PTPRT: variants seen among roughly 807,000 people sequenced by gnomAD.
PTPRT encodes the protein receptor-type tyrosine-protein phosphatase T.
In PTPRT, 56 loss-of-function variants were observed where a neutral mutation model predicts 176.8. The ratio of observed to expected loss-of-function variants is 0.32; its 90% CI spans 0.26 to 0.40. The LOEUF (loss-of-function observed/expected upper bound fraction) is 0.40, where lower values mean the gene tolerates loss of function less well. Among genes scored for constraint, PTPRT ranks in the 10% least tolerant of loss-of-function variants. PTPRT has a pLI of 1.00. For missense variants in PTPRT, 1,540 were observed against 1,908.2 expected, an observed-to-expected ratio of 0.81 and a Z score of 3.60; for synonymous variants, 783 against 739.0, an observed-to-expected ratio of 1.06 and a Z score of -0.96.
rs190280031 is a variant in PTPRT, at chr20:42,933,807, C to T, written c.89-47875G>A. On this transcript the variant is annotated intron_variant, in intron 1 of 30. Transcript: ENST00000373187. ...GAAGAAGAGGCCACGTCTTCAGCCTCTCCTTAAGCATCTATCACCAGCCAG... is the reference window on the plus strand; with the variant it reads ...GAAGAAGAGGCCACGTCTTCAGCCTTTCCTTAAGCATCTATCACCAGCCAG... Among the ~76,000 whole-genome samples the T allele has an allele frequency of 2.6e-5, 4 of 152,290 alleles. No individual in the cohort carries two copies. In the East Asian group the frequency reaches 7.7e-4, roughly 29 times the overall value.
chr20:42,599,506 G>T (rs1322209399), intron 7 of PTPRT, among the ~76,000 whole-genome samples: 1 of 152,116 alleles, frequency 6.6e-6, no homozygotes, highest in African/African-American at 2.4e-5. Context: ...GGGTGCAATG[G>T]GAGGGTTGAG....
chr20:42,419,098 G>C (rs753038651), intron 9 of PTPRT, among the ~76,000 whole-genome samples: 17 of 152,300 alleles, frequency 1.1e-4, no homozygotes, highest in Non-Finnish European at 1.8e-4. Context: ...GCTGCCAATA[G>C]TGAGACACTG....
chr20:42,664,670 T>C (rs1028393801), intron 7 of PTPRT, among the ~76,000 whole-genome samples: 1 of 152,190 alleles, frequency 6.6e-6, no homozygotes, highest in African/African-American at 2.4e-5. Context: ...GGTCCTGCTA[T>C]GTTGCCCAGG....
At chr20:43,097,248 T>C (rs1255750253) in intron 1 of PTPRT, among the ~76,000 whole-genome samples, 1 of 152,148 alleles carries the variant, frequency 6.6e-6, no homozygotes, top group Non-Finnish European at 1.5e-5. Context: ...AAATCCCATC[T>C]CTGTCATTTC....
chr20:42,877,088 G>GAATC lies in PTPRT; in HGVS notation c.214+8718_214+8719insGATT, dbSNP rs570808018. ...ATGACTATCTTTTAAAAAATACGAA[G>GAATC]TTTCTGGAATATTGAGAAGCTCATA... On this transcript the variant is annotated intron_variant, in intron 2 of 30. Coordinates refer to ENST00000373187, the MANE Select transcript of PTPRT (RefSeq NM_007050.6). Among the ~76,000 whole-genome samples the GAATC allele has an allele frequency of 2.0e-4, 31 of 152,172 alleles. 2 individuals are homozygous for GAATC. The South Asian group carries it at 6.4e-3, about 32-fold the overall frequency.
chr20:42,228,375 G>A (rs1568689594), intron 15 of PTPRT, among the ~76,000 whole-genome samples: 1 of 152,164 alleles, frequency 6.6e-6, no homozygotes, highest in Non-Finnish European at 1.5e-5. Context: ...TGACTGATGC[G>A]TTTAGACGCC....
intron 12 of PTPRT, among the ~76,000 whole-genome samples, chr20:42,286,407 T>A (rs144372756): frequency 6.6e-6 from 1 of 151,720 alleles, no homozygotes; most frequent in African/African-American, 2.4e-5. Context: ...ATAATATTTT[T>A]AAAAACGCCA....
At chr20:42,714,053 A>G (rs1205578351) in intron 6 of PTPRT, among the ~76,000 whole-genome samples, 1 of 152,206 alleles carries the variant, frequency 6.6e-6, no homozygotes, top group Non-Finnish European at 1.5e-5. Context: ...CAACACGGAA[A>G]GAAGTAAGCA....
At chr20:43,109,076 A>AT (rs950152206) in intron 1 of PTPRT, among the ~76,000 whole-genome samples, 83 of 150,624 alleles carry the variant, frequency 5.5e-4, no homozygotes, top group African/African-American at 1.6e-3. Flanking sequence ...CCCATTTTCT[A>AT]TTTTTTTTTC....
chr20:42,053,538 T>C, the PTPRT span, among the ~76,000 whole-genome samples: 3 of 152,168 alleles, frequency 2.0e-5, no homozygotes, highest in African/African-American at 7.2e-5. Context: ...TTGCCTGTTA[T>C]TTAGCTCAGG....
intron 1 of PTPRT, among the ~76,000 whole-genome samples, chr20:43,148,166 C>T (rs111530958): frequency 0.015 from 2,337 of 152,272 alleles, 29 homozygotes; most frequent in Non-Finnish European, 0.023. Context: ...CACACCCTCA[C>T]ACCTGCCCTT....
At chr20:42,118,174 T>C (rs1379461926) in intron 21 of PTPRT, among the ~76,000 whole-genome samples, 1 of 152,192 alleles carries the variant, frequency 6.6e-6, no homozygotes, top group African/African-American at 2.4e-5. Context: ...CCTCAAAATA[T>C]ATGAGATGAC....
chr20:42,279,506 A>C (rs1600772487), intron 13 of PTPRT, among the ~76,000 whole-genome samples: 1 of 152,220 alleles, frequency 6.6e-6, no homozygotes. Context: ...CAGACTTTGG[A>C]CCTCCAGAAC....
intron 7 of PTPRT, among the ~76,000 whole-genome samples, chr20:42,606,098 G>A (rs985288984): frequency 2.6e-5 from 4 of 152,188 alleles, no homozygotes; most frequent in African/African-American, 9.7e-5. Flanking sequence ...AGAAATGCTG[G>A]CTTAGACCAC....
chr20:43,001,267 A>G (rs1472899787), intron 1 of PTPRT, among the ~76,000 whole-genome samples: 1 of 152,210 alleles, frequency 6.6e-6, no homozygotes, highest in African/African-American at 2.4e-5. Flanking sequence ...TTCAATCAAA[A>G]TATAGATCTC....
At chr20:43,047,120 T>TC (rs1218297434) in intron 1 of PTPRT, among the ~76,000 whole-genome samples, 1 of 151,948 alleles carries the variant, frequency 6.6e-6, no homozygotes, top group Non-Finnish European at 1.5e-5. Flanking sequence ...TAATCTGTTT[T>TC]CCCCGATTCG....
chr20:42,083,359 A>T (rs1243206605), intron 29 of PTPRT, among the ~76,000 whole-genome samples: 1 of 152,182 alleles, frequency 6.6e-6, no homozygotes, highest in African/African-American at 2.4e-5. Flanking sequence ...AGCAGCTATT[A>T]GCTGGCAGGA....
intron 1 of PTPRT, among the ~76,000 whole-genome samples, chr20:42,901,577 G>A (rs564058475): frequency 6.6e-6 from 1 of 152,238 alleles, no homozygotes; most frequent in East Asian, 1.9e-4. Context: ...TCTCTGTCTT[G>A]TTTAGGGAAC....
intron 1 of PTPRT, among the ~76,000 whole-genome samples, chr20:42,995,109 G>A (rs942772877): frequency 1.3e-5 from 2 of 152,196 alleles, no homozygotes; most frequent in African/African-American, 4.8e-5. Context: ...GACATTGGCT[G>A]ATGAGAATTC....
Sources: gnomAD v4.1 joint callset for allele counts (sites outside exome capture counted in the v4.1 genomes callset) on GRCh38, gnomAD v4.1.1 for gene constraint, MANE v1.5 for transcripts, NCBI Gene and HGNC (gene_info 2026-07-23, HGNC 2026-07-21) for gene names.